The following NOS1AP variants were observed in gnomAD, a reference collection of about 807,000 sequenced individuals.
NOS1AP encodes the protein nitric oxide synthase 1 adaptor protein.
A neutral mutation model predicts 56.2 loss-of-function variants in NOS1AP; 21 were observed. The observed-to-expected ratio is 0.37, with a 90% confidence interval of 0.26 to 0.54. NOS1AP has a LOEUF of 0.54. Ranked by LOEUF, NOS1AP falls within the 20% of genes least tolerant of loss-of-function variation. The pLI is 0.84. For missense variants in NOS1AP, 522 were observed against 657.8 expected, an observed-to-expected ratio of 0.79 and a Z score of 2.26; for synonymous variants, 270 against 274.6, an observed-to-expected ratio of 0.98 and a Z score of 0.17.
At chr1:162,117,134 G>A (rs915752407) in intron 1 of NOS1AP, among the ~76,000 whole-genome samples, 5 of 152,296 alleles carry the variant, frequency 3.3e-5, no homozygotes, top group East Asian at 1.9e-4. Flanking sequence ...TTACTAGGAC[G>A]TAATCTAATA....
chr1:162,213,634 A>G (rs1426280807), intron 2 of NOS1AP, among the ~76,000 whole-genome samples: 2 of 152,192 alleles, frequency 1.3e-5, no homozygotes, highest in East Asian at 3.8e-4. Flanking sequence ...ATGAATTATG[A>G]GCTTTCTTGA....
chr1:162,086,318 C>G (rs1049749765), intron 1 of NOS1AP, among the ~76,000 whole-genome samples: 10 of 152,090 alleles, frequency 6.6e-5, no homozygotes, highest in Non-Finnish European at 1.5e-4. Context: ...ACTGCAGGCA[C>G]GAGGTGGTAG....
At position 162,158,417 on chromosome 1, in the gene NOS1AP, A is replaced by G. The variant is rs571216063; in HGVS notation, c.177+3941A>G. Reference sequence around the variant, plus strand: ...AACTATGAACATTTTGGTTGCTTCTATGTCTTGGCTGTTGTGAATAGTGCT... The same window carrying G: ...AACTATGAACATTTTGGTTGCTTCTGTGTCTTGGCTGTTGTGAATAGTGCT... On this transcript the variant is annotated intron_variant, in intron 2 of 9. Transcript: ENST00000361897. Among the ~76,000 whole-genome samples the G allele has an allele frequency of 3.9e-5, 6 of 152,166 alleles. 1 individual carries two copies. The highest frequency in any genetic ancestry group is 6.3e-3 in the Middle Eastern group (2 of 316).
At chr1:162,290,401 A>G (rs1333904200) in intron 3 of NOS1AP, among the ~76,000 whole-genome samples, 2 of 152,182 alleles carry the variant, frequency 1.3e-5, no homozygotes, top group African/African-American at 4.8e-5. Flanking sequence ...TTCTCATATG[A>G]CAGTTCTCTG....
intron 2 of NOS1AP, among the ~76,000 whole-genome samples, chr1:162,167,750 A>G (rs1650570809): frequency 6.6e-6 from 1 of 152,146 alleles, no homozygotes; most frequent in African/African-American, 2.4e-5. Context: ...CTGCTGCTTC[A>G]TTTTGTGACT....
At chr1:162,324,097 G>A (rs1180029666) in intron 4 of NOS1AP, among the ~76,000 whole-genome samples, 2 of 152,160 alleles carry the variant, frequency 1.3e-5, no homozygotes, top group Admixed American at 1.3e-4. Context: ...AATATTTGTG[G>A]TGTGTTCATT....
chr1:162,362,073 G>A (rs181950799), intron 8 of NOS1AP, among the ~76,000 whole-genome samples: 42 of 152,346 alleles, frequency 2.8e-4, no homozygotes, highest in African/African-American at 9.4e-4. Flanking sequence ...TGCCTAGGGA[G>A]TACCCAACAG....
intron 2 of NOS1AP, among the ~76,000 whole-genome samples, chr1:162,281,722 C>T (rs138345465): frequency 1.9e-3 from 295 of 152,292 alleles, no homozygotes; most frequent in African/African-American, 6.2e-3. Flanking sequence ...AATATCATTT[C>T]GTGAGCAGAA....
chr1:162,186,695 C>A (rs114950484), intron 2 of NOS1AP, among the ~76,000 whole-genome samples: 1 of 152,284 alleles, frequency 6.6e-6, no homozygotes, highest in African/African-American at 2.4e-5. Flanking sequence ...GAGAAGACTG[C>A]CATTTGCAAA....
chr1:162,355,041 G>A lies in NOS1AP; in HGVS notation c.596-146G>A, dbSNP rs3751283. Reference sequence around the variant, plus strand: ...TACTGGGCTGGAAATGCACTTTAACGTACTTGAGTGAAAAGATGTGTGAAA... The same window carrying A: ...TACTGGGCTGGAAATGCACTTTAACATACTTGAGTGAAAAGATGTGTGAAA... On this transcript the variant is annotated intron_variant, in intron 6 of 9. Transcript: ENST00000361897. The A allele has an allele frequency of 3.9e-4, 336 of 854,994 alleles. 4 individuals carry two copies. The East Asian group carries it at 7.0e-3, about 18-fold the overall frequency. The allele number at this position is 854,994 out of a possible 1,614,324, so 53.0% of individuals were successfully genotyped here.
At chr1:162,162,330 G>A (rs905302442) in intron 2 of NOS1AP, among the ~76,000 whole-genome samples, 1 of 152,150 alleles carries the variant, frequency 6.6e-6, no homozygotes, top group Non-Finnish European at 1.5e-5. Context: ...AGATTTTTGC[G>A]GTCGTTGGAA....
At chr1:162,253,758 T>A (rs1474885251) in intron 2 of NOS1AP, among the ~76,000 whole-genome samples, 5 of 152,234 alleles carry the variant, frequency 3.3e-5, no homozygotes, top group Admixed American at 6.5e-5. Context: ...TTCTGGGTTT[T>A]TTTTCTTTTA....
chr1:162,329,464 G>T (rs1206944633), intron 4 of NOS1AP, among the ~76,000 whole-genome samples: 1 of 152,102 alleles, frequency 6.6e-6, no homozygotes, highest in Non-Finnish European at 1.5e-5. Context: ...AACTACTTTG[G>T]TATCCTACTC....
chr1:162,343,628 A>G (rs1368787308), intron 5 of NOS1AP, among the ~76,000 whole-genome samples: 1 of 152,262 alleles, frequency 6.6e-6, no homozygotes, highest in African/African-American at 2.4e-5. Context: ...CTGTCCTTTC[A>G]GTTGACTGAT....
At chr1:162,148,523 AG>A (rs1649577558) in intron 1 of NOS1AP, among the ~76,000 whole-genome samples, 1 of 152,344 alleles carries the variant, frequency 6.6e-6, no homozygotes, top group East Asian at 1.9e-4. Context: ...TTCTGTGCAC[AG>A]GGAGGAACAT....
chr1:162,257,931 T>C (rs1654085177), intron 2 of NOS1AP, among the ~76,000 whole-genome samples: 1 of 152,180 alleles, frequency 6.6e-6, no homozygotes, highest in African/African-American at 2.4e-5. Flanking sequence ...CATTTCCCGC[T>C]TTGAGCAACT....
intron 2 of NOS1AP, among the ~76,000 whole-genome samples, chr1:162,207,570 G>T (rs190335779): frequency 2.0e-5 from 3 of 152,372 alleles, no homozygotes; most frequent in Admixed American, 2.0e-4. Context: ...GATTGAATGA[G>T]ATAATGCAAG....
chr1:162,307,038 G>T (rs1655856330), intron 4 of NOS1AP, among the ~76,000 whole-genome samples: 1 of 151,956 alleles, frequency 6.6e-6, no homozygotes, highest in Non-Finnish European at 1.5e-5. Context: ...CTGGAAAATA[G>T]AGACTTTGTT....
intron 4 of NOS1AP, among the ~76,000 whole-genome samples, chr1:162,318,951 C>G (rs1656321734): frequency 6.6e-6 from 1 of 152,148 alleles, no homozygotes; most frequent in African/African-American, 2.4e-5. Flanking sequence ...CATTATCACA[C>G]CCAGAGAAAT....
Sources: allele counts gnomAD v4.1 joint callset (sites outside exome capture counted in the v4.1 genomes callset), GRCh38; gene constraint gnomAD v4.1.1; transcripts MANE v1.5; gene names NCBI Gene and HGNC (gene_info 2026-07-23, HGNC 2026-07-21).